The following IGF1R variants were observed in gnomAD, a reference collection of about 807,000 sequenced individuals.
IGF1R encodes insulin like growth factor 1 receptor.
A neutral mutation model predicts 144.6 loss-of-function variants in IGF1R; 44 were observed. The ratio of observed to expected loss-of-function variants is 0.30; its 90% CI spans 0.24 to 0.39. The LOEUF (loss-of-function observed/expected upper bound fraction) is 0.39. Ranked by LOEUF, IGF1R falls within the 10% of genes least tolerant of loss-of-function variation. The probability of loss-of-function intolerance (pLI) is 1.00; values close to 1 mark genes in which losing one functional copy is unlikely to be tolerated. For synonymous variants in IGF1R, 795 were observed against 722.8 expected (o/e 1.10, Z -1.60); for missense variants, 1,355 against 1,833.7 (o/e 0.74, Z 4.77).
At chr15:98,746,580 C>A (rs1395578914) in intron 2 of IGF1R, among the ~76,000 whole-genome samples, 1 of 151,476 alleles carries the variant, frequency 6.6e-6, no homozygotes, top group African/African-American at 2.4e-5. Flanking sequence ...CTTCTAAAAT[C>A]ATCTACACCA....
chr15:98,741,244 T>C (rs1223019341), intron 2 of IGF1R, among the ~76,000 whole-genome samples: 6 of 149,158 alleles, frequency 4.0e-5, no homozygotes, highest in Admixed American at 2.0e-4. Flanking sequence ...GCTTTTTTTT[T>C]TTTTTTTTTT....
chr15:98,953,502 G>C (rs543170728), intron 20 of IGF1R, among the ~76,000 whole-genome samples: 104 of 152,282 alleles, frequency 6.8e-4, no homozygotes, highest in South Asian at 4.4e-3. Flanking sequence ...TGCTGACCCT[G>C]AGGTCACACA....
rs867882580 is a variant in IGF1R, at chr15:98,960,459, G to A, written c.*3017G>A. The A allele has an allele frequency of 1.1e-4, 24 of 225,046 alleles. No homozygotes were observed. The highest frequency in any genetic ancestry group is 1.9e-4 in the Non-Finnish European group (22 of 113,616). 13.9% of individuals were successfully genotyped at this position (225,046 alleles called of 1,614,324 possible). A position where few individuals can be genotyped will look rare whatever the true frequency, so the allele number is the denominator to read the frequency against. On this transcript the variant is annotated 3_prime_UTR_variant, in exon 21 of 21. Coordinates refer to ENST00000650285, the MANE Select transcript of IGF1R (RefSeq NM_000875.5). Reference sequence around the variant, plus strand: ...GGAACAAACTGCTTCTGTGCAGATGGAATGACCAACACATTTCGTCCTTAA... The same window carrying A: ...GGAACAAACTGCTTCTGTGCAGATGAAATGACCAACACATTTCGTCCTTAA...
At chr15:98,895,425 T>A (rs1596408063) in intron 3 of IGF1R, among the ~76,000 whole-genome samples, 1 of 149,052 alleles carries the variant, frequency 6.7e-6, no homozygotes, top group South Asian at 2.1e-4. Flanking sequence ...TTTTTTTTTT[T>A]AAATGGAAAG....
At chr15:98,882,242 C>G (rs1203627982) in intron 2 of IGF1R, among the ~76,000 whole-genome samples, 2 of 152,178 alleles carry the variant, frequency 1.3e-5, no homozygotes, top group Non-Finnish European at 2.9e-5. Context: ...CTGACCTGTA[C>G]AAAGCAGCAC....
At chr15:98,669,937 G>C in intron 1 of IGF1R, among the ~76,000 whole-genome samples, 1 of 152,166 alleles carries the variant, frequency 6.6e-6, no homozygotes, top group Non-Finnish European at 1.5e-5. Flanking sequence ...GCGGCAGAGT[G>C]GGGGTGACTG....
At chr15:98,934,726 A>C in intron 15 of IGF1R, 98 bp from the exon 16 acceptor site, 2 of 990,706 alleles carry the variant, frequency 2.0e-6, no homozygotes, top group Non-Finnish European at 3.2e-6. Context: ...GGGTTTAAGG[A>C]AGCAGCATCT....
chr15:98,814,484 C>T (rs1168862739), intron 2 of IGF1R, among the ~76,000 whole-genome samples: 3 of 152,170 alleles, frequency 2.0e-5, no homozygotes, highest in Non-Finnish European at 4.4e-5. Flanking sequence ...GCTGGGACTA[C>T]TACAGGTATG....
chr15:98,960,754 CCT>C lies in IGF1R; in HGVS notation c.*3313_*3314del, dbSNP rs2017191345. ...GAGGCTCCTGACCTCACAGCCAGTC[CCT>C]GATAGAACACACGCAGGAGCAGAGT... On this transcript the variant is annotated 3_prime_UTR_variant, in exon 21 of 21. Coordinates refer to ENST00000650285, the MANE Select transcript of IGF1R (RefSeq NM_000875.5). 1.3e-5 allele frequency: 3 copies of C among 233,522 alleles called. No homozygotes were observed. The highest frequency in any genetic ancestry group is 1.2e-3 in the Middle Eastern group (1 of 808). 14.5% of individuals were successfully genotyped at this position (233,522 alleles called of 1,614,324 possible). A position where few individuals can be genotyped will look rare whatever the true frequency, so the allele number is the denominator to read the frequency against.
chr15:98,880,918 A>G (rs1596390047), intron 2 of IGF1R: 1 of 152,358 alleles, frequency 6.6e-6, no homozygotes, highest in East Asian at 1.9e-4. Flanking sequence ...CAAGACCCAG[A>G]AAGACTCAGT....
rs1834565203 is a variant in IGF1R, at chr15:98,963,250, C to G, written c.*5808C>G. On this transcript the variant is annotated 3_prime_UTR_variant, in exon 21 of 21. Transcript: ENST00000650285. ...TTTTTTTAGGACACCTGTTTACTAG[C>G]TAGCTTTACAATATGCCAAAAAAGG... 2 of 220,792 alleles carry G rather than the reference C, an allele frequency of 9.1e-6. No homozygotes were observed. The highest frequency in any genetic ancestry group is 3.8e-4 in the South Asian group (2 of 5,294). 13.7% of individuals were successfully genotyped at this position (220,792 alleles called of 1,614,324 possible). A position where few individuals can be genotyped will look rare whatever the true frequency, so the allele number is the denominator to read the frequency against.
At chr15:98,657,009 A>C (rs2052501435) in intron 1 of IGF1R, among the ~76,000 whole-genome samples, 2 of 152,246 alleles carry the variant, frequency 1.3e-5, no homozygotes, top group South Asian at 4.1e-4. Context: ...TAGAGCATAA[A>C]TATTTTATAG....
At position 98,899,596 on chromosome 15, in the gene IGF1R, A is replaced by C. The variant is rs1211176645; in HGVS notation, c.1222A>C (p.Ile408Leu). The change falls in exon 5 of 21, where the codon ATC (isoleucine) becomes CTC (leucine). Residue 408 changes from isoleucine (I) to leucine (L), a missense_variant. Coordinates refer to ENST00000650285, the MANE Select transcript of IGF1R (RefSeq NM_000875.5). ...SLSFLKNLRL[I>L]LGEEQLEGNY... ...GTCCTTCCTAAAAAACCTTCGCCTC[A>C]TCCTAGGAGAGGAGCAGCTAGAAGG... The C allele has an allele frequency of 3.7e-6, 6 of 1,613,992 alleles. No homozygotes were observed. Among genetic ancestry groups the C allele is most frequent in the Non-Finnish European group, 5.1e-6 (6 of 1,180,016 alleles).
At position 98,958,412 on chromosome 15, in the gene IGF1R, C is replaced by A; in HGVS notation, c.*970C>A. 4.4e-6 allele frequency: 1 copy of A among 227,594 alleles called. No homozygotes were observed. The highest frequency in any genetic ancestry group is 8.7e-6 in the Non-Finnish European group (1 of 114,482). The allele number at this position is 227,594 out of a possible 1,614,324, so 14.1% of individuals were successfully genotyped here. On this transcript the variant is annotated 3_prime_UTR_variant, in exon 21 of 21. Transcript: ENST00000650285. ...CCTGCTTCTCTCCCAGCCCCAGCTC[C>A]CCCGCCCGCCCCCAAGGACACAGAT...
intron 2 of IGF1R, among the ~76,000 whole-genome samples, chr15:98,720,134 A>G (rs2141279388): frequency 1.3e-5 from 2 of 152,304 alleles, no homozygotes; most frequent in South Asian, 4.1e-4. Context: ...CCAGTCGCAA[A>G]ATCCCTCCAG....
At chr15:98,870,025 C>T (rs897978361) in intron 2 of IGF1R, among the ~76,000 whole-genome samples, 5 of 152,176 alleles carry the variant, frequency 3.3e-5, no homozygotes, top group Non-Finnish European at 7.3e-5. Context: ...AGGATTCCTG[C>T]CCTAGTACAG....
chr15:98,963,263 A>G lies in IGF1R; in HGVS notation c.*5821A>G. On this transcript the variant is annotated 3_prime_UTR_variant, in exon 21 of 21. Coordinates refer to ENST00000650285, the MANE Select transcript of IGF1R (RefSeq NM_000875.5). ...CCTGTTTACTAGCTAGCTTTACAATATGCCAAAAAAGGATTTCTCCCTGAC... is the reference window on the plus strand; with the variant it reads ...CCTGTTTACTAGCTAGCTTTACAATGTGCCAAAAAAGGATTTCTCCCTGAC... 4.5e-6 allele frequency: 1 copy of G among 224,624 alleles called. No homozygotes were observed. Among genetic ancestry groups the G allele is most frequent in the Non-Finnish European group, 8.6e-6 (1 of 116,056 alleles). The allele number at this position is 224,624 out of a possible 1,614,324, so 13.9% of individuals were successfully genotyped here.
chr15:98,958,691 G>A lies in IGF1R; in HGVS notation c.*1249G>A, dbSNP rs1249101681. Reference sequence around the variant, plus strand: ...TTACGGTTCAGATATTCATCTATACGTCTGTACAGAAAAAAAAAAGCTGCT... The same window carrying A: ...TTACGGTTCAGATATTCATCTATACATCTGTACAGAAAAAAAAAAGCTGCT... On this transcript the variant is annotated 3_prime_UTR_variant, in exon 21 of 21. Coordinates refer to ENST00000650285, the MANE Select transcript of IGF1R (RefSeq NM_000875.5). 1 of 211,284 alleles carries A rather than the reference G, an allele frequency of 4.7e-6. No individual in the cohort carries two copies. The highest frequency in any genetic ancestry group is 9.3e-6 in the Non-Finnish European group (1 of 107,582). The allele number at this position is 211,284 out of a possible 1,614,324, so 13.1% of individuals were successfully genotyped here.
intron 1 of IGF1R, among the ~76,000 whole-genome samples, chr15:98,683,101 T>G (rs1185220144): frequency 6.6e-6 from 1 of 151,746 alleles, no homozygotes; most frequent in Non-Finnish European, 1.5e-5. Flanking sequence ...ATAGGGATTC[T>G]TTAAGGGCAG....
Sources: gnomAD v4.1 joint callset for allele counts (sites outside exome capture counted in the v4.1 genomes callset) on GRCh38, gnomAD v4.1.1 for gene constraint, MANE v1.5 for transcripts, NCBI Gene and HGNC (gene_info 2026-07-23, HGNC 2026-07-21) for gene names.